Variants in SHBG observed in about 807,000 individuals in gnomAD.
SHBG encodes sex hormone binding globulin.
Under a neutral mutation model 41.9 loss-of-function variants are expected in SHBG, and 37 were observed. The observed-to-expected ratio is 0.88, with a 90% CI of 0.68 to 1.16. The LOEUF is 1.16. SHBG is among the 50% of genes most tolerant of loss of function. The pLI is 0.00. For synonymous variants in SHBG, 217 were observed against 205.8 expected (o/e 1.05, Z -0.47); for missense variants, 466 against 499.9 (o/e 0.93, Z 0.65).
Position 7,622,767 on chromosome 17 carries a change from C to T in SHBG, c.-61-7651C>T, listed in dbSNP as rs147938877. On this transcript the variant is annotated intron_variant, in intron 1 of 5. Transcript: ENST00000570547. ...ACCCTGGGCTGGGCACGGTGGCTCA[C>T]GCCTGTAATCCCAGTACTTTGGGAG... is the stretch of plus-strand genomic sequence containing the variant. 4.7e-3 allele frequency among the ~76,000 whole-genome samples: 717 copies of T among 151,742 alleles called. 5 individuals carry two copies. The highest frequency in any genetic ancestry group is 0.017 in the African/African-American group (688 of 41,366).
At chr17:7,627,514 G>T, upstream of SHBG, 1 of 1,397,234 alleles carries the variant, frequency 7.2e-7, no homozygotes, top group Non-Finnish European at 1.0e-6. The surrounding 1 kb of genome is among the most constrained non-coding windows in gnomAD (Gnocchi z 4.8). Flanking sequence ...CGCCTCCTAC[G>T]ACCCCGCTCT....
At position 7,633,346 on chromosome 17, in the gene SHBG, C is replaced by G. The variant is rs781780779; in HGVS notation, c.1203C>G (p.Ser401=). The G allele has an allele frequency of 3.1e-6, 5 of 1,613,912 alleles. No homozygotes were observed. The Admixed American group carries it at 6.7e-5, about 22-fold the overall frequency. ...GCCCAGGCAATGGCACTGACGCTTCCCATTAAAGCTCCACCTAAGAACCCC... is the reference window on the plus strand; with the variant it reads ...GCCCAGGCAATGGCACTGACGCTTCGCATTAAAGCTCCACCTAAGAACCCC... The part of the protein sequence containing the change: ...PQSPGNGTDA[S]H The change falls in exon 8 of 8, where the codon TCC becomes TCG. Residue 401 remains serine (S), a synonymous_variant. Coordinates refer to ENST00000380450, the MANE Select transcript of SHBG (RefSeq NM_001040.5).
intron 1 of SHBG, among the ~76,000 whole-genome samples, chr17:7,622,725 T>C (rs1484086594): frequency 1.3e-5 from 2 of 151,650 alleles, no homozygotes; most frequent in Non-Finnish European, 2.9e-5. Context: ...GTGAGGGTAA[T>C]AACATTAAAA....
In SHBG at chr17:7,630,377, T is replaced by C. The variant is rs370214388; in HGVS notation, c.112-39T>C. ...CCTCTCCCTCTGTCTGTCTCTGACA[T>C]GTCCCTACTCAGCTTTGTTTGTTTT... On this transcript the variant is annotated intron_variant, in intron 1 of 7. Transcript: ENST00000380450. The surrounding 1 kb of genome is among the most constrained non-coding windows in gnomAD (Gnocchi z 4.6). The C allele has an allele frequency of 3.8e-6, 6 of 1,598,738 alleles. No individual in the cohort carries two copies. In the African/African-American group the frequency reaches 6.7e-5, roughly 18 times the overall value.
chr17:7,621,752 G>A (rs2072102183), intron 1 of SHBG, among the ~76,000 whole-genome samples: 1 of 151,858 alleles, frequency 6.6e-6, no homozygotes, highest in Admixed American at 6.6e-5. Flanking sequence ...GAAGGAGGCT[G>A]GGAGACCAGT....
intron 1 of SHBG, among the ~76,000 whole-genome samples, chr17:7,619,532 C>A (rs1419546654): frequency 1.3e-5 from 2 of 150,740 alleles, no homozygotes; most frequent in Non-Finnish European, 3.0e-5. Context: ...ATGGTGAAAC[C>A]CCATCTCTAC....
rs1394281470 is a variant in SHBG at position 7,630,276 on chromosome 17, C to T, written c.104C>T (p.Pro35Leu). 1.2e-6 allele frequency: 2 copies of T among 1,607,858 alleles called. No homozygotes were observed. Among genetic ancestry groups the T allele is most frequent in the Non-Finnish European group, 1.7e-6 (2 of 1,176,938 alleles). ...GGATGGGCCCTGAGACCTGTTCTCC[C>T]CACCCAGGTGCAGGAGCGGGACAGG... ...RQGWALRPVL[P>L]TQSAHDPPAV... The change falls in exon 1 of 8, where the codon CCC (proline) becomes CTC (leucine). Residue 35 changes from proline (P) to leucine (L), a missense_variant. Pro to Leu is a moderately conservative substitution (Grantham distance 98, BLOSUM62 -3). Transcript: ENST00000380450. This position sits in a 1 kb window ranked among gnomAD's most constrained non-coding sequence, Gnocchi z 4.6.
At chr17:7,621,134 C>T (rs2072089263) in intron 1 of SHBG, among the ~76,000 whole-genome samples, 1 of 102,684 alleles carries the variant, frequency 9.7e-6, no homozygotes. Context: ...TCAAGATTTG[C>T]AATAGCCAGT....
In SHBG at chr17:7,630,786, AG is replaced by A. The variant is rs2072382009; in HGVS notation, c.312del (p.Arg104SerfsTer50). 6.2e-7 allele frequency: 1 copy of A among 1,614,074 alleles called. No homozygotes were observed. Among genetic ancestry groups the A allele is most frequent in the Non-Finnish European group, 8.5e-7 (1 of 1,179,996 alleles). The stretch of plus-strand genomic sequence containing the variant: ...GTTTATGCTGGGACTTCGAGACGGC[AG>A]GCCTGAGATCCAACTGCACAATCAC... ...DWFMLGLRDG[R>X]PEIQLHNHWA... On this transcript the variant is annotated frameshift_variant, in exon 3 of 8. Transcript: ENST00000380450. LOFTEE classifies it high-confidence loss of function. This position sits in a 1 kb window ranked among gnomAD's most constrained non-coding sequence, Gnocchi z 4.6.
chr17:7,622,230 C>G (rs1017163), intron 1 of SHBG, among the ~76,000 whole-genome samples: 44,044 of 151,472 alleles, frequency 0.29, 7,867 homozygotes, highest in Middle Eastern at 0.56. Context: ...AACCCAGGCC[C>G]TTTTCACCCC....
In SHBG at chr17:7,630,414, A is replaced by G. The variant is rs764464601; in HGVS notation, c.112-2A>G. The G allele has an allele frequency of 1.2e-6, 2 of 1,613,766 alleles. No individual in the cohort carries two copies. Among genetic ancestry groups the G allele is most frequent in the Non-Finnish European group, 1.7e-6 (2 of 1,179,728 alleles). On this transcript the variant is annotated splice_acceptor_variant, in intron 1 of 7. Transcript: ENST00000380450. LOFTEE classifies it high-confidence loss of function. The surrounding 1 kb of genome is among the most constrained non-coding windows in gnomAD (Gnocchi z 4.6). ...GCTTTGTTTGTTTTCTCTTTCTGAT[A>G]GAGTGCCCACGACCCTCCGGCTGTC... is the stretch of plus-strand genomic sequence containing the variant.
Position 7,630,926 on chromosome 17 carries a change from A to T in SHBG, c.393+57A>T. 6.6e-7 allele frequency: 1 copy of T among 1,521,548 alleles called. No homozygotes were observed. The highest frequency in any genetic ancestry group is 9.1e-7 in the Non-Finnish European group (1 of 1,102,732). The allele number at this position is 1,521,548 out of a possible 1,614,324, so 94.3% of individuals were successfully genotyped here. On this transcript the variant is annotated intron_variant, in intron 3 of 7. Transcript: ENST00000380450. The surrounding 1 kb of genome is among the most constrained non-coding windows in gnomAD (Gnocchi z 4.6). Reference sequence around the variant, plus strand: ...GTCTGGAGCTGGTCTGAGGAAAGGGAACAAAACCAAGTTATTGGGCATCCC... The same window carrying T: ...GTCTGGAGCTGGTCTGAGGAAAGGGTACAAAACCAAGTTATTGGGCATCCC...
chr17:7,626,355 T>A, upstream of SHBG: 1 of 1,444,058 alleles, frequency 6.9e-7, no homozygotes, highest in South Asian at 1.3e-5. Context: ...CAGGGAGGCC[T>A]CAGCATCAGT....
chr17:7,628,810 T>C (rs189772898), upstream of SHBG, among the ~76,000 whole-genome samples: 73 of 151,982 alleles, frequency 4.8e-4, no homozygotes, highest in Middle Eastern at 3.4e-3. Context: ...AATCCCAGCA[T>C]TTTGGGAGGC....
At chr17:7,633,041 A>G (rs1220978242) in intron 7 of SHBG, 82 bp downstream of exon 7, 2 of 1,452,134 alleles carry the variant, frequency 1.4e-6, no homozygotes, top group African/African-American at 2.8e-5. Flanking sequence ...GGGGAAGGAA[A>G]CCTCTGGGAG....
At chr17:7,614,509 C>A (rs1259269872) in intron 1 of SHBG, 3 of 1,525,066 alleles carry the variant, frequency 2.0e-6, no homozygotes, top group Non-Finnish European at 2.6e-6. Context: ...GCTCCACATC[C>A]CCCCCAGAGG....
chr17:7,627,360 C>T, upstream of SHBG: 2 of 1,614,198 alleles, frequency 1.2e-6, no homozygotes, highest in Non-Finnish European at 1.7e-6. The surrounding 1 kb of genome is among the most constrained non-coding windows in gnomAD (Gnocchi z 4.8). Context: ...GCTGAGCCCC[C>T]ACCTTCTTCA....
At chr17:7,633,134 A>C (rs1017850544) in intron 7 of SHBG, 70 bp from the exon 8 acceptor site, 12 of 1,579,000 alleles carry the variant, frequency 7.6e-6, no homozygotes, top group African/African-American at 4.0e-5. Context: ...GGAGTGGAAA[A>C]GTGGGGAGAA....
chr17:7,626,720 G>A (rs376444092), upstream of SHBG: 2 of 1,613,914 alleles, frequency 1.2e-6, no homozygotes, highest in East Asian at 2.2e-5. Context: ...TGCTTCTTCA[G>A]GTCCTCACTT....
Sources: gnomAD v4.1 joint callset for allele counts (sites outside exome capture counted in the v4.1 genomes callset) on GRCh38, gnomAD v4.1.1 for gene constraint, Gnocchi (gnomAD v3.1) non-coding constraint, MANE v1.5 for transcripts, NCBI Gene and HGNC (gene_info 2026-07-23, HGNC 2026-07-21) for gene names.